Variants in ETV1 observed in about 807,000 individuals in gnomAD.
ETV1 encodes ETS variant transcription factor 1.
In ETV1, 27 loss-of-function variants were observed where a neutral mutation model predicts 62.3. That is an observed-to-expected ratio of 0.43 (90% CI 0.32 to 0.60). The LOEUF (loss-of-function observed/expected upper bound fraction) is 0.60, where lower values mean the gene tolerates loss of function less well. Ranked by LOEUF, ETV1 falls within the 20% of genes least tolerant of loss-of-function variation. ETV1 has a pLI of 0.06. For missense variants in ETV1, 605 were observed against 605.8 expected (o/e 1.00, Z 0.01); for synonymous variants, 222 against 199.6 (o/e 1.11, Z -0.94).
At chr7:13,912,813 G>T (rs77555908) in intron 9 of ETV1, among the ~76,000 whole-genome samples, 26 of 152,302 alleles carry the variant, frequency 1.7e-4, no homozygotes, top group Non-Finnish European at 3.2e-4. Context: ...CATAAAGTAA[G>T]TAAAGTCATG....
intron 5 of ETV1, among the ~76,000 whole-genome samples, chr7:13,979,770 T>C (rs1020021181): frequency 4.6e-5 from 7 of 152,084 alleles, no homozygotes; most frequent in Non-Finnish European, 1.0e-4. Context: ...AAGTTAAAAA[T>C]AGCTGGTGAG....
chr7:13,932,868 T>G (rs1786354059), intron 8 of ETV1, among the ~76,000 whole-genome samples: 1 of 152,148 alleles, frequency 6.6e-6, no homozygotes, highest in African/African-American at 2.4e-5. Context: ...AAAAATAAGG[T>G]AAAAGCTAAA....
chr7:13,984,570 C>T (rs189510382), intron 5 of ETV1, among the ~76,000 whole-genome samples: 7 of 151,880 alleles, frequency 4.6e-5, no homozygotes, highest in Non-Finnish European at 1.0e-4. Context: ...TTACTTACAT[C>T]GTGATTAGAT....
intron 6 of ETV1, among the ~76,000 whole-genome samples, chr7:13,940,403 A>C (rs1458377706): frequency 6.6e-6 from 1 of 151,712 alleles, no homozygotes; most frequent in African/African-American, 2.4e-5. Flanking sequence ...AAAAAAAGCT[A>C]TATATTTTTT....
chr7:13,979,784 C>G (rs1025776562), intron 5 of ETV1, among the ~76,000 whole-genome samples: 3 of 151,994 alleles, frequency 2.0e-5, no homozygotes, highest in Admixed American at 1.3e-4. Context: ...TGGTGAGTAA[C>G]AAAAGTATAC....
At chr7:13,963,527 TTGG>T in intron 6 of ETV1, among the ~76,000 whole-genome samples, 1 of 138,562 alleles carries the variant, frequency 7.2e-6, no homozygotes, top group Non-Finnish European at 1.5e-5. Context: ...AATACCAATC[TTGG>T]CAAAAAAAAA....
intron 5 of ETV1, 101 bp from the exon 6 acceptor site, chr7:13,977,581 G>C: frequency 2.6e-6 from 2 of 771,482 alleles, no homozygotes; most frequent in Non-Finnish European, 4.3e-6. Context: ...CTTGGGCTGA[G>C]ATCAAACCTA....
intron 5 of ETV1, among the ~76,000 whole-genome samples, chr7:13,982,260 C>G (rs1782065068): frequency 6.6e-6 from 1 of 151,868 alleles, no homozygotes; most frequent in Non-Finnish European, 1.5e-5. Flanking sequence ...AGGTCTGACT[C>G]TATTATTATT....
At chr7:13,975,538 G>A (rs1003414553) in intron 6 of ETV1, among the ~76,000 whole-genome samples, 2 of 146,400 alleles carry the variant, frequency 1.4e-5, no homozygotes, top group African/African-American at 5.1e-5. Context: ...ACTAGAGCCT[G>A]GGCAACAGGG....
chr7:13,983,541 G>C (rs549856905), intron 5 of ETV1, among the ~76,000 whole-genome samples: 33 of 150,796 alleles, frequency 2.2e-4, no homozygotes, highest in Non-Finnish European at 3.7e-4. Flanking sequence ...AAAAGACAAA[G>C]AATCAATAAA....
chr7:13,951,584 T>G (rs1788821072), intron 6 of ETV1, among the ~76,000 whole-genome samples: 2 of 152,118 alleles, frequency 1.3e-5, no homozygotes, highest in Non-Finnish European at 1.5e-5. Flanking sequence ...AGAGAACATA[T>G]AGATGACCCG....
intron 6 of ETV1, among the ~76,000 whole-genome samples, chr7:13,955,889 TC>T (rs1165568722): frequency 6.6e-6 from 1 of 152,142 alleles, no homozygotes; most frequent in African/African-American, 2.4e-5. Flanking sequence ...ATTTGGGAGT[TC>T]TGAATCACAA....
intron 12 of ETV1, among the ~76,000 whole-genome samples, chr7:13,905,776 A>T (rs1184733807): frequency 1.3e-5 from 2 of 152,160 alleles, no homozygotes; most frequent in East Asian, 1.9e-4. Flanking sequence ...TTTAAACTTC[A>T]TCCCAACCTT....
chr7:13,939,047 T>C, intron 7 of ETV1, 70 bp downstream of exon 7: 1 of 1,441,850 alleles, frequency 6.9e-7, no homozygotes, highest in Non-Finnish European at 9.5e-7. Context: ...GACTTGAGAT[T>C]TCATATTATT....
intron 9 of ETV1, among the ~76,000 whole-genome samples, chr7:13,930,512 A>G (rs190406480): frequency 1.4e-3 from 208 of 151,442 alleles, no homozygotes; most frequent in Admixed American, 3.5e-3. Flanking sequence ...TAGTACAGAC[A>G]GGGTTTCACC....
At chr7:13,983,620 A>AC (rs1280494921) in intron 5 of ETV1, among the ~76,000 whole-genome samples, 1 of 100,606 alleles carries the variant, frequency 9.9e-6, no homozygotes, top group African/African-American at 4.1e-5. Context: ...ATATTCCCTG[A>AC]CTTTTTTTTT....
In ETV1 at chr7:13,891,620, G is replaced by T; in HGVS notation, c.*4246C>A. On this transcript the variant is annotated 3_prime_UTR_variant, in exon 14 of 14. Transcript: ENST00000430479. ...AGTGAGTCTCATGTATATAAAAAAA[G>T]AAGTCCTAAAAGTACTAGTTGAGCT... The T allele has an allele frequency of 4.3e-6, 1 of 231,048 alleles. No homozygotes were observed. The highest frequency in any genetic ancestry group is 8.6e-6 in the Non-Finnish European group (1 of 116,948). The allele number at this position is 231,048 out of a possible 1,614,324, so 14.3% of individuals were successfully genotyped here.
At chr7:13,927,417 A>T (rs977276541) in intron 9 of ETV1, among the ~76,000 whole-genome samples, 4 of 152,148 alleles carry the variant, frequency 2.6e-5, no homozygotes, top group African/African-American at 9.7e-5. Context: ...ACACCACTGC[A>T]CTCCAGCCTG....
chr7:13,985,963 C>A (rs902724660), intron 5 of ETV1, among the ~76,000 whole-genome samples: 1 of 152,130 alleles, frequency 6.6e-6, no homozygotes, highest in Non-Finnish European at 1.5e-5. Flanking sequence ...TGTATCCTTG[C>A]TCTATTAAAT....
Sources: gnomAD v4.1 joint callset for allele counts (sites outside exome capture counted in the v4.1 genomes callset) on GRCh38, gnomAD v4.1.1 for gene constraint, MANE v1.5 for transcripts, NCBI Gene and HGNC (gene_info 2026-07-23, HGNC 2026-07-21) for gene names.